ATP13A3: variants seen among roughly 807,000 people sequenced by gnomAD.
The protein encoded by ATP13A3 is polyamine-transporting ATPase 13A3.
In ATP13A3, 59 loss-of-function variants were observed where a neutral mutation model predicts 158.1. That is an observed-to-expected ratio of 0.37 (90% CI 0.30 to 0.46). The LOEUF is 0.46. Ranked by LOEUF, ATP13A3 falls within the 20% of genes least tolerant of loss-of-function variation. ATP13A3 has a pLI of 1.00. For synonymous variants in ATP13A3, 491 were observed against 504.3 expected, an observed-to-expected ratio of 0.97 and a Z score of 0.35; for missense variants, 1,166 against 1,525.2, an observed-to-expected ratio of 0.76 and a Z score of 3.92.
rs770347037 is a variant in ATP13A3, at chr3:194,444,807, C to T, written c.1498-21G>A. On this transcript the variant is annotated intron_variant, in intron 14 of 33. Transcript: ENST00000645319. The stretch of plus-strand genomic sequence containing the variant: ...CCAGTCTAAAAAACAAAAAAGCACA[C>T]ATGCACAAAGTATGGATGATGCCTC... 9 of 1,578,108 alleles carry T rather than the reference C, an allele frequency of 5.7e-6. No individual in the cohort carries two copies. In the Admixed American group the frequency reaches 8.0e-5, roughly 14 times the overall value.
At chr3:194,416,432 TG>T (rs1715858262) in intron 31 of ATP13A3, among the ~76,000 whole-genome samples, 1 of 151,856 alleles carries the variant, frequency 6.6e-6, no homozygotes. Flanking sequence ...CACTCCAGCC[TG>T]GGCGACAGAG....
intron 2 of ATP13A3, among the ~76,000 whole-genome samples, chr3:194,465,380 C>T (rs531357745): frequency 6.6e-6 from 1 of 152,242 alleles, no homozygotes; most frequent in African/African-American, 2.4e-5. Context: ...GATGGACTCC[C>T]TCAAGCCTTC....
intron 2 of ATP13A3, among the ~76,000 whole-genome samples, chr3:194,476,101 A>G (rs1022205640): frequency 6.6e-6 from 1 of 152,214 alleles, no homozygotes; most frequent in African/African-American, 2.4e-5. Context: ...TTCCTAAGAT[A>G]GCCCACAAAT....
chr3:194,427,331 GGAACTTTAAA>G, intron 28 of ATP13A3, 79 bp from the exon 29 acceptor site: 1 of 1,314,460 alleles, frequency 7.6e-7, no homozygotes, highest in Non-Finnish European at 1.0e-6. Context: ...GATTCATTTA[GGAACTTTAAA>G]AATTTGTTTT....
chr3:194,438,133 C>T lies in ATP13A3; in HGVS notation c.1828-560G>A, dbSNP rs112679220. On this transcript the variant is annotated intron_variant, in intron 17 of 33. Transcript: ENST00000645319. The stretch of plus-strand genomic sequence containing the variant: ...TGAGATCTCACTACTGCACTCCAGC[C>T]GGGGTGACAGAGCGAGACTCCAGCT... Among the ~76,000 whole-genome samples the T allele has an allele frequency of 6.8e-3, 1,031 of 152,094 alleles. 2 individuals are homozygous for T. The highest frequency in any genetic ancestry group is 0.031 in the Middle Eastern group (9 of 294).
At chr3:194,486,261 A>G (rs934206330) in intron 1 of ATP13A3, among the ~76,000 whole-genome samples, 1 of 151,690 alleles carries the variant, frequency 6.6e-6, no homozygotes, top group Non-Finnish European at 1.5e-5. Context: ...CAGCACCCCT[A>G]CGCCTCTGCC....
At chr3:194,444,600 A>C in intron 15 of ATP13A3, 125 bp downstream of exon 15, 1 of 733,686 alleles carries the variant, frequency 1.4e-6, no homozygotes, top group Admixed American at 3.2e-5. Flanking sequence ...AAATATGGCA[A>C]CATGTCCACG....
upstream of ATP13A3, chr3:194,487,805 C>G (rs929210606): frequency 2.6e-5 from 4 of 152,370 alleles, no homozygotes; most frequent in African/African-American, 9.6e-5. Flanking sequence ...GGCCTGCGCC[C>G]TTTGTGCCCG....
At chr3:194,408,178 C>G (rs2108699626) in intron 33 of ATP13A3, among the ~76,000 whole-genome samples, 1 of 152,156 alleles carries the variant, frequency 6.6e-6, no homozygotes, top group South Asian at 2.1e-4. Flanking sequence ...CGCCACCACG[C>G]CCGGCTAATT....
chr3:194,473,636 G>A (rs777527603), intron 2 of ATP13A3, among the ~76,000 whole-genome samples: 1 of 152,174 alleles, frequency 6.6e-6, no homozygotes, highest in East Asian at 1.9e-4. Flanking sequence ...GATCTCAGAA[G>A]ATATTTAAAT....
intron 17 of ATP13A3, among the ~76,000 whole-genome samples, chr3:194,438,642 AT>A (rs1431056636): frequency 1.3e-5 from 2 of 152,200 alleles, no homozygotes; most frequent in Non-Finnish European, 2.9e-5. Flanking sequence ...TGAGAATTAA[AT>A]GTAAGTAAGC....
At chr3:194,461,798 T>C (rs1241645260) in intron 3 of ATP13A3, among the ~76,000 whole-genome samples, 1 of 152,296 alleles carries the variant, frequency 6.6e-6, no homozygotes, top group Admixed American at 6.5e-5. Context: ...ATTAAGCTGA[T>C]TTTAGAAAAT....
At chr3:194,417,395 T>TCACACACACACA (rs1715928908) in intron 31 of ATP13A3, among the ~76,000 whole-genome samples, 1 of 41,530 alleles carries the variant, frequency 2.4e-5, no homozygotes, top group African/African-American at 7.8e-5. Flanking sequence ...AGCCAGATTC[T>TCACACACACACA]GACACACACA....
Position 194,448,306 on chromosome 3 carries a change from C to T in ATP13A3, c.1150+151G>A, listed in dbSNP as rs1718547553. The T allele has an allele frequency of 5.6e-6, 5 of 885,542 alleles. No homozygotes were observed. The East Asian group carries it at 1.3e-4, about 23-fold the overall frequency. The allele number at this position is 885,542 out of a possible 1,614,324, so 54.9% of individuals were successfully genotyped here. ...TGTTAGCCAGGATGGTCTCAATCTCCTGACCTCATGATCCGCCCACCTCGG... is the reference window on the plus strand; with the variant it reads ...TGTTAGCCAGGATGGTCTCAATCTCTTGACCTCATGATCCGCCCACCTCGG... On this transcript the variant is annotated intron_variant, in intron 12 of 33. Transcript: ENST00000645319. This position sits in a 1 kb window ranked among gnomAD's most constrained non-coding sequence, Gnocchi z 4.0.
At chr3:194,480,251 T>G (rs1720696949) in intron 2 of ATP13A3, among the ~76,000 whole-genome samples, 2 of 152,320 alleles carry the variant, frequency 1.3e-5, no homozygotes, top group Admixed American at 1.3e-4. Flanking sequence ...ACAAGACTGG[T>G]ATGTGACAGA....
intron 7 of ATP13A3, among the ~76,000 whole-genome samples, chr3:194,456,324 T>A (rs544367746): frequency 7.1e-6 from 1 of 140,910 alleles, no homozygotes; most frequent in Non-Finnish European, 1.5e-5. Flanking sequence ...ATTTGAGGGA[T>A]CTTATTTTTT....
chr3:194,471,410 G>A (rs576993968), intron 2 of ATP13A3, among the ~76,000 whole-genome samples: 28 of 151,508 alleles, frequency 1.8e-4, no homozygotes, highest in Admixed American at 1.7e-3. Flanking sequence ...CTGGAATGCA[G>A]TGGCACAATC....
intron 10 of ATP13A3, chr3:194,451,509 A>C (rs1718804574): frequency 1.3e-5 from 2 of 152,244 alleles, no homozygotes; most frequent in South Asian, 4.1e-4. Context: ...CAGCAACAGC[A>C]GAACAAGAAG....
At chr3:194,480,483 C>T (rs879260881) in intron 2 of ATP13A3, among the ~76,000 whole-genome samples, 2 of 152,156 alleles carry the variant, frequency 1.3e-5, no homozygotes, top group African/African-American at 4.8e-5. Context: ...CAATGCAGAT[C>T]TTGCTAGCAG....
Sources: gnomAD v4.1 joint callset for allele counts (sites outside exome capture counted in the v4.1 genomes callset) on GRCh38, gnomAD v4.1.1 for gene constraint, Gnocchi (gnomAD v3.1) non-coding constraint, MANE v1.5 for transcripts, NCBI Gene and HGNC (gene_info 2026-07-23, HGNC 2026-07-21) for gene names.